The following TRIM50 variants were observed in gnomAD, a reference collection of about 807,000 sequenced individuals.
TRIM50 encodes E3 ubiquitin-protein ligase TRIM50.
In TRIM50, 34 loss-of-function variants were observed where a neutral mutation model predicts 44.9. That is an observed-to-expected ratio of 0.76 (90% CI 0.58 to 1.01). TRIM50 has a LOEUF of 1.01. Among genes scored for constraint, TRIM50 ranks in the 50% least tolerant of loss-of-function variants. TRIM50 has a pLI of 0.00. For missense variants in TRIM50, 633 were observed against 663.7 expected (o/e 0.95, Z 0.51); for synonymous variants, 307 against 291.1 (o/e 1.05, Z -0.56).
At chr7:73,315,749 G>A (rs1175754136) in intron 6 of TRIM50, among the ~76,000 whole-genome samples, 3 of 152,200 alleles carry the variant, frequency 2.0e-5, no homozygotes, top group African/African-American at 4.8e-5. Context: ...TAGTAATAAA[G>A]GAATGAAATG....
chr7:73,326,534 A>G (rs1435607828), intron 1 of TRIM50, among the ~76,000 whole-genome samples: 3 of 151,540 alleles, frequency 2.0e-5, no homozygotes, highest in Admixed American at 6.6e-5. Context: ...ATATACACCC[A>G]CTCTCAAGAA....
At chr7:73,314,317 T>C in intron 6 of TRIM50, 1 of 358,160 alleles carries the variant, frequency 2.8e-6, no homozygotes, top group Non-Finnish European at 5.4e-6. Flanking sequence ...CCATCCTCTA[T>C]AAGTAGCAGA....
In TRIM50 at chr7:73,318,737, G is replaced by A. The variant is rs1554544493; in HGVS notation, c.727-28C>T. On this transcript the variant is annotated intron_variant, in intron 4 of 6. Coordinates refer to ENST00000333149, the MANE Select transcript of TRIM50 (RefSeq NM_178125.3). ...GGAAGGCAAGAGAGAGGGAGGTTAA[G>A]GCTAGAAGGTGGGAAGCTAGGGCAC... is the stretch of plus-strand genomic sequence containing the variant. The A allele has an allele frequency of 4.3e-6, 7 of 1,613,894 alleles. No individual in the cohort carries two copies. In the South Asian group the frequency reaches 5.5e-5, roughly 13 times the overall value.
chr7:73,320,165 G>T lies in TRIM50; in HGVS notation c.477C>A (p.Asn159Lys), dbSNP rs781921754. The T allele has an allele frequency of 2.9e-5, 47 of 1,613,894 alleles. No homozygotes were observed. The highest frequency in any genetic ancestry group is 9.3e-5 in the African/African-American group (7 of 74,932). Reference protein sequence around the residue: ...KVDELIAKLVNNRTRIVNESD... With the variant: ...KVDELIAKLVKNRTRIVNESD... ...CACTCACGACGATTCGGGTCCGGTTGTTCACCAGTTTGGCGATGAGCTCAT... is the reference window on the plus strand; with the variant it reads ...CACTCACGACGATTCGGGTCCGGTTTTTCACCAGTTTGGCGATGAGCTCAT... The change falls in exon 3 of 7, where the codon AAC becomes AAA. Residue 159 changes from asparagine (N) to lysine (K), a missense_variant. Physicochemically the swap from Asn to Lys is moderately conservative, Grantham distance 94 (BLOSUM62 0). Coordinates refer to ENST00000333149, the MANE Select transcript of TRIM50 (RefSeq NM_178125.3).
Position 73,320,251 on chromosome 7 carries a change from A to C in TRIM50, c.400-9T>G, listed in dbSNP as rs782012484. On this transcript the variant is annotated splice_polypyrimidine_tract_variant and intron_variant, in intron 2 of 6. Coordinates refer to ENST00000333149, the MANE Select transcript of TRIM50 (RefSeq NM_178125.3). ...AGGGCTGCGAGCTCCTCCTGGAGGCAACAGGCCATGGCCCCATGAGCAGCT... is the reference window on the plus strand; with the variant it reads ...AGGGCTGCGAGCTCCTCCTGGAGGCCACAGGCCATGGCCCCATGAGCAGCT... The C allele has an allele frequency of 7.4e-6, 12 of 1,613,988 alleles. No individual in the cohort carries two copies. In the South Asian group the frequency reaches 1.3e-4, roughly 18 times the overall value.
Position 73,313,085 on chromosome 7 carries a change from CG to C in TRIM50, c.1299del (p.Asp434MetfsTer82). 1.3e-6 allele frequency: 2 copies of C among 1,591,062 alleles called. No homozygotes were observed. Among genetic ancestry groups the C allele is most frequent in the Non-Finnish European group, 8.6e-7 (1 of 1,169,494 alleles). Reference protein sequence around the residue: ...GELTFFDADRPDDLRPLYTFQ... With the variant: ...GELTFFDADRXDDLRPLYTFQ... Reference sequence around the variant, plus strand: ...AAGGTGTAGAGCGGCCGCAGGTCATCGGGGCGGTCGGCATCGAAGAAGGTGA... The same window carrying C: ...AAGGTGTAGAGCGGCCGCAGGTCATCGGGCGGTCGGCATCGAAGAAGGTGA... On this transcript the variant is annotated frameshift_variant, in exon 7 of 7. Coordinates refer to ENST00000333149, the MANE Select transcript of TRIM50 (RefSeq NM_178125.3). LOFTEE classifies it high-confidence loss of function. The surrounding 1 kb of genome is among the most constrained non-coding windows in gnomAD (Gnocchi z 4.9).
chr7:73,320,180 G>A lies in TRIM50; in HGVS notation c.462C>T (p.Ile154=), dbSNP rs371650600. ...GGGTCCGGTTGTTCACCAGTTTGGC[G>A]ATGAGCTCATCCACCTTTTTCTGCT... ...KQEQKKVDEL[I]AKLVNNRTRI... The change falls in exon 3 of 7, where the codon ATC becomes ATT. Residue 154 remains isoleucine (I), a synonymous_variant. Coordinates refer to ENST00000333149, the MANE Select transcript of TRIM50 (RefSeq NM_178125.3). 7.1e-5 allele frequency: 114 copies of A among 1,613,890 alleles called. 1 individual carries two copies. Among genetic ancestry groups the A allele is most frequent in the South Asian group, 5.3e-4 (48 of 91,074 alleles).
rs1804264079 is a variant in TRIM50, at chr7:73,313,098, ATCGAAGAAGGTGAGT to A, written c.1272_1286del (p.Glu424_Phe428del). 6.3e-7 allele frequency: 1 copy of A among 1,593,946 alleles called. No individual in the cohort carries two copies. The highest frequency in any genetic ancestry group is 1.3e-5 in the African/African-American group (1 of 74,682). On this transcript the variant is annotated inframe_deletion, in exon 7 of 7. Transcript: ENST00000333149. This position sits in a 1 kb window ranked among gnomAD's most constrained non-coding sequence, Gnocchi z 4.9. ...GCCGCAGGTCATCGGGGCGGTCGGC[ATCGAAGAAGGTGAGT>A]TCGCCCTGCTCATAGTGCAGGTAGA...
In TRIM50 at chr7:73,314,049, C is replaced by T. The variant is rs1168282170; in HGVS notation, c.875-539G>A. On this transcript the variant is annotated intron_variant, in intron 6 of 6. Transcript: ENST00000333149. ...CTAGTTACCAGCTGATCCGTTTACC[C>T]CAGAAATGTGAGATGTGCTCCCCCC... The T allele has an allele frequency of 1.4e-5, 4 of 282,756 alleles. No homozygotes were observed. The South Asian group carries it at 1.8e-4, about 13-fold the overall frequency. The allele number at this position is 282,756 out of a possible 1,614,324, so 17.5% of individuals were successfully genotyped here.
chr7:73,324,450 A>C lies in TRIM50; in HGVS notation c.338T>G (p.Leu113Arg). 2 of 1,613,540 alleles carry C rather than the reference A, an allele frequency of 1.2e-6. No individual in the cohort carries two copies. The highest frequency in any genetic ancestry group is 1.7e-6 in the Non-Finnish European group (2 of 1,180,032). ...CGGGTGGTGTTGGTGGGAGCCCAGC[A>C]GACCGCAGAGGCCACAGATGAGCTC... is the stretch of plus-strand genomic sequence containing the variant. ...DQELICGLCGLLGSHQHHPVT... is the reference protein window; with the variant it reads ...DQELICGLCGRLGSHQHHPVT... The change falls in exon 2 of 7, where the codon CTG (leucine) becomes CGG (arginine). Residue 113 changes from leucine (L) to arginine (R), a missense_variant. Coordinates refer to ENST00000333149, the MANE Select transcript of TRIM50 (RefSeq NM_178125.3).
intron 2 of TRIM50, among the ~76,000 whole-genome samples, chr7:73,321,582 G>A (rs1462131713): frequency 1.3e-5 from 2 of 152,114 alleles, no homozygotes; most frequent in Non-Finnish European, 2.9e-5. Context: ...GGACTGCCCG[G>A]GCCCCAAACC....
At chr7:73,315,448 C>T (rs1183789331) in intron 6 of TRIM50, among the ~76,000 whole-genome samples, 3 of 150,980 alleles carry the variant, frequency 2.0e-5, no homozygotes, top group South Asian at 4.2e-4. Flanking sequence ...AGCCTCCCAA[C>T]TCCTGGGCTC....
Position 73,312,948 on chromosome 7 carries a change from G to T in TRIM50, c.1437C>A (p.Leu479=). ...ACAGCTTGGTGGGCTGCTCGGGGCTGAGGGGGCCAGGCCCGCTGGGCGGGG... is the reference window on the plus strand; with the variant it reads ...ACAGCTTGGTGGGCTGCTCGGGGCTTAGGGGGCCAGGCCCGCTGGGCGGGG... ...VLPPPSGPGP[L]SPEQPTKL Residue 479 remains leucine (L), a synonymous_variant, in exon 7 of 7, where the codon CTC becomes CTA. Transcript: ENST00000333149. 1 of 1,548,940 alleles carries T rather than the reference G, an allele frequency of 6.5e-7. No homozygotes were observed. Among genetic ancestry groups the T allele is most frequent in the Non-Finnish European group, 8.7e-7 (1 of 1,146,248 alleles).
At position 73,313,458 on chromosome 7, in the gene TRIM50, G is replaced by C. The variant is rs575426787; in HGVS notation, c.927C>G (p.Leu309=). 126 of 1,545,002 alleles carry C rather than the reference G, an allele frequency of 8.2e-5. 1 individual carries two copies. In the South Asian group the frequency reaches 1.4e-3, roughly 17 times the overall value. The change falls in exon 7 of 7, where the codon CTC becomes CTG. Residue 309 remains leucine (L), a synonymous_variant. Coordinates refer to ENST00000333149, the MANE Select transcript of TRIM50 (RefSeq NM_178125.3). The surrounding 1 kb of genome is among the most constrained non-coding windows in gnomAD (Gnocchi z 4.9). ...DPATAHPLLE[L]SKGNTVVQCG... ...ACTGCACCACCGTGTTGCCCTTGGAGAGCTCCAGGAGTGGGTGGGCAGTGG... is the reference window on the plus strand; with the variant it reads ...ACTGCACCACCGTGTTGCCCTTGGACAGCTCCAGGAGTGGGTGGGCAGTGG...
chr7:73,314,111 C>T (rs115933575), intron 6 of TRIM50: 3 of 340,924 alleles, frequency 8.8e-6, no homozygotes, highest in South Asian at 3.3e-5. Context: ...CCCAAGTTGC[C>T]GCAAGGAAAG....
rs1271139578 is a variant in TRIM50, at chr7:73,313,629, C to T, written c.875-119G>A. 2.4e-6 allele frequency: 2 copies of T among 838,730 alleles called. No individual in the cohort carries two copies. Among genetic ancestry groups the T allele is most frequent in the African/African-American group, 3.4e-5 (2 of 58,172 alleles). The allele number at this position is 838,730 out of a possible 1,614,324, so 52.0% of individuals were successfully genotyped here. On this transcript the variant is annotated intron_variant, in intron 6 of 6. Coordinates refer to ENST00000333149, the MANE Select transcript of TRIM50 (RefSeq NM_178125.3). The surrounding 1 kb of genome is among the most constrained non-coding windows in gnomAD (Gnocchi z 4.9). The stretch of plus-strand genomic sequence containing the variant: ...GAGGGGCTGTGTCTTCCTCATCTCT[C>T]TAGCCCCAGGGTCTAGAAGGGGCCA...
intron 2 of TRIM50, among the ~76,000 whole-genome samples, chr7:73,321,612 C>G (rs1452789977): frequency 4.6e-5 from 7 of 152,202 alleles, no homozygotes; most frequent in Non-Finnish European, 1.0e-4. Context: ...CTTGGGGGTG[C>G]CAACCGGGAC....
chr7:73,318,269 T>G (rs1347605853), intron 5 of TRIM50, among the ~76,000 whole-genome samples: 1 of 152,144 alleles, frequency 6.6e-6, no homozygotes, highest in Non-Finnish European at 1.5e-5. Flanking sequence ...GCGGGGACTA[T>G]AGGCACATGA....
At chr7:73,316,241 A>C (rs1384202206) in intron 6 of TRIM50, among the ~76,000 whole-genome samples, 1 of 152,142 alleles carries the variant, frequency 6.6e-6, no homozygotes, top group Non-Finnish European at 1.5e-5. Flanking sequence ...CACCAACCTA[A>C]TACCATTTAT....
Sources: allele counts gnomAD v4.1 joint callset (sites outside exome capture counted in the v4.1 genomes callset), GRCh38; gene constraint gnomAD v4.1.1; non-coding constraint Gnocchi (gnomAD v3.1); transcripts MANE v1.5; gene names NCBI Gene and HGNC (gene_info 2026-07-23, HGNC 2026-07-21).